Variants in WDR43 observed in about 807,000 individuals in gnomAD.
WDR43 encodes WD repeat domain 43.
In WDR43, 13 loss-of-function variants were observed where a neutral mutation model predicts 91.4. That is an observed-to-expected ratio of 0.14 (90% confidence interval 0.09 to 0.23). The LOEUF (loss-of-function observed/expected upper bound fraction) is 0.23, where lower values mean the gene tolerates loss of function less well. Ranked by LOEUF, WDR43 falls within the 10% of genes least tolerant of loss-of-function variation. The pLI is 1.00. For missense variants in WDR43, 780 were observed against 809.4 expected (o/e 0.96, Z 0.44); for synonymous variants, 331 against 287.9 (o/e 1.15, Z -1.51).
At chr2:28,937,859 G>A in intron 13 of WDR43, 72 bp from the exon 14 acceptor site, 2 of 1,445,954 alleles carry the variant, frequency 1.4e-6, no homozygotes, top group Middle Eastern at 1.7e-4. Flanking sequence ...TGTCTGTCTG[G>A]GTTTTCTAAC....
chr2:28,925,990 A>T (rs1013939318), intron 8 of WDR43, among the ~76,000 whole-genome samples: 4 of 152,134 alleles, frequency 2.6e-5, no homozygotes, highest in African/African-American at 9.7e-5. Context: ...GACTCCCCCG[A>T]TCCTATTTAA....
At chr2:28,919,777 T>C (rs1279750517) in intron 6 of WDR43, among the ~76,000 whole-genome samples, 3 of 152,254 alleles carry the variant, frequency 2.0e-5, no homozygotes, top group East Asian at 3.8e-4. Flanking sequence ...TTCTGATAAT[T>C]GGATATTCTG....
intron 11 of WDR43, among the ~76,000 whole-genome samples, chr2:28,934,314 G>A (rs767141467): frequency 6.6e-6 from 1 of 152,172 alleles, no homozygotes; most frequent in Non-Finnish European, 1.5e-5. Flanking sequence ...AAGGAGACCC[G>A]AGGGTGATAC....
intron 6 of WDR43, 38 bp from the exon 7 acceptor site, chr2:28,922,881 T>A: frequency 6.3e-7 from 1 of 1,591,394 alleles, no homozygotes; most frequent in Non-Finnish European, 8.6e-7. Flanking sequence ...CTGGAGTATG[T>A]TATCCATTAT....
intron 3 of WDR43, among the ~76,000 whole-genome samples, chr2:28,908,736 C>T (rs1200526654): frequency 2.6e-5 from 4 of 152,166 alleles, no homozygotes; most frequent in Non-Finnish European, 5.9e-5. Context: ...GCTGCCGTTA[C>T]TTGGATTTTG....
intron 1 of WDR43, among the ~76,000 whole-genome samples, chr2:28,898,162 A>T (rs1179619705): frequency 6.6e-6 from 1 of 152,184 alleles, no homozygotes; most frequent in Non-Finnish European, 1.5e-5. Context: ...TCTCTAACAG[A>T]CCTTGTCTGC....
intron 5 of WDR43, among the ~76,000 whole-genome samples, chr2:28,915,030 A>C (rs565123435): frequency 2.6e-5 from 4 of 152,312 alleles, no homozygotes; most frequent in Non-Finnish European, 5.9e-5. Flanking sequence ...TGAAAAAAAA[A>C]CCACCTTGCT....
chr2:28,926,396 C>A, intron 8 of WDR43, 72 bp from the exon 9 acceptor site: 1 of 1,078,504 alleles, frequency 9.3e-7, no homozygotes, highest in Non-Finnish European at 1.3e-6. Context: ...TTCTTATTCC[C>A]AGTTGCTTTG....
At chr2:28,942,609 TTTTTC>T (rs1256007166) in intron 16 of WDR43, among the ~76,000 whole-genome samples, 1 of 129,380 alleles carries the variant, frequency 7.7e-6, no homozygotes, top group Non-Finnish European at 1.6e-5. Flanking sequence ...GAAGATTTTT[TTTTTC>T]TTTTCTTTTT....
At position 28,935,601 on chromosome 2, in the gene WDR43, A is replaced by G; in HGVS notation, c.1518A>G (p.Leu506=). 10 of 1,583,462 alleles carry G rather than the reference A, an allele frequency of 6.3e-6. No homozygotes were observed. The highest frequency in any genetic ancestry group is 8.6e-6 in the Non-Finnish European group (10 of 1,164,634). The change falls in exon 12 of 18, where the codon TTA becomes TTG. Residue 506 remains leucine, a synonymous_variant. Transcript: ENST00000407426. ...RMPLHTIIPL[L]QELTKRLQGH... is the part of the protein sequence containing the mutation. ...CCCTGCATACTATTATTCCGTTGTT[A>G]CAAGAGGTAACTGACTGCTTTTTTC...
chr2:28,935,946 G>A (rs1023405013), intron 12 of WDR43, among the ~76,000 whole-genome samples: 30 of 152,096 alleles, frequency 2.0e-4, no homozygotes, highest in African/African-American at 7.2e-4. Flanking sequence ...CAAACATAAA[G>A]CTCCCAAATT....
intron 1 of WDR43, 145 bp from the exon 2 acceptor site, chr2:28,901,839 AAGT>A: frequency 4.1e-6 from 3 of 729,254 alleles, no homozygotes; most frequent in Non-Finnish European, 6.4e-6. Flanking sequence ...TTTCTTTTTG[AAGT>A]AGTGAGAAGT....
At chr2:28,927,166 G>T (rs1671156926) in intron 9 of WDR43, 1 of 518,608 alleles carries the variant, frequency 1.9e-6, no homozygotes, top group South Asian at 1.4e-5. Context: ...ATTGAATTCT[G>T]GAGGTAGTTG....
intron 5 of WDR43, among the ~76,000 whole-genome samples, chr2:28,914,473 A>T (rs1412339398): frequency 6.6e-6 from 1 of 152,244 alleles, no homozygotes. Context: ...ATATCTTTTA[A>T]AAAATTTAGA....
intron 12 of WDR43, 50 bp downstream of exon 12, chr2:28,935,657 G>T (rs772502255): frequency 2.2e-5 from 29 of 1,294,564 alleles, no homozygotes; most frequent in Non-Finnish European, 1.9e-5. Context: ...TGAGTTAAAT[G>T]GAAAATTCAG....
At position 28,916,902 on chromosome 2, in the gene WDR43, C is replaced by G. The variant is rs376807643; in HGVS notation, c.747-991C>G. On this transcript the variant is annotated intron_variant, in intron 5 of 17. Coordinates refer to ENST00000407426, the MANE Select transcript of WDR43 (RefSeq NM_015131.3). ...TATGTTTGTTTCTATTTAAAGATAT[C>G]TTATTTAATGCATATGTTTTTGATT... 2.0e-4 allele frequency among the ~76,000 whole-genome samples: 30 copies of G among 151,752 alleles called. 1 individual carries two copies. The East Asian group carries it at 2.3e-3, about 12-fold the overall frequency.
intron 11 of WDR43, chr2:28,929,944 C>A: frequency 1.7e-6 from 1 of 583,970 alleles, no homozygotes; most frequent in Non-Finnish European, 3.2e-6. Flanking sequence ...CATAGAAATA[C>A]TGTTCTGAAT....
chr2:28,925,055 C>G lies in WDR43; in HGVS notation c.988C>G (p.Pro330Ala). The G allele has an allele frequency of 1.2e-6, 2 of 1,613,958 alleles. No individual in the cohort carries two copies. The highest frequency in any genetic ancestry group is 1.7e-6 in the Non-Finnish European group (2 of 1,179,872). Residue 330 changes from proline (P) to alanine (A), a missense_variant, in exon 8 of 18, where the codon CCA (proline) becomes GCA (alanine). Coordinates refer to ENST00000407426, the MANE Select transcript of WDR43 (RefSeq NM_015131.3). The stretch of plus-strand genomic sequence containing the variant: ...ACCTGGGAAAGGCAAGAAGTCAACA[C>G]CAAAACCCATCCCTATTCTAGCTGC... ...ATPGKGKKSTPKPIPILAAGF... is the reference protein window; with the variant it reads ...ATPGKGKKSTAKPIPILAAGF...
At position 28,941,669 on chromosome 2, in the gene WDR43, C is replaced by T. The variant is rs10182938; in HGVS notation, c.1734+95C>T. 6,331 of 959,330 alleles carry T rather than the reference C, an allele frequency of 6.6e-3. 287 individuals are homozygous for T. The African/African-American group carries it at 0.091, about 14-fold the overall frequency. The allele number at this position is 959,330 out of a possible 1,614,324, so 59.4% of individuals were successfully genotyped here. A position where few individuals can be genotyped will look rare whatever the true frequency, so the allele number is the denominator to read the frequency against. ...ATTTTGAGACAGGGTCTTGCTCTGT[C>T]GCTCAGGCTGCACTGCGGTAGCATG... is the stretch of plus-strand genomic sequence containing the variant. On this transcript the variant is annotated intron_variant, in intron 15 of 17. Transcript: ENST00000407426.
Sources: gnomAD v4.1 joint callset for allele counts (sites outside exome capture counted in the v4.1 genomes callset) on GRCh38, gnomAD v4.1.1 for gene constraint, MANE v1.5 for transcripts, NCBI Gene and HGNC (gene_info 2026-07-23, HGNC 2026-07-21) for gene names.